Variants in AGBL4 observed in about 807,000 individuals in gnomAD.
The protein encoded by AGBL4 is AGBL carboxypeptidase 4, also known as cytosolic carboxypeptidase 6.
In AGBL4, 58 loss-of-function variants were observed where a neutral mutation model predicts 66.4. The observed-to-expected ratio is 0.87, with a 90% CI of 0.71 to 1.09. AGBL4 has a LOEUF of 1.09. Among genes scored for constraint, AGBL4 ranks in the 50% least tolerant of loss-of-function variants. The probability of loss-of-function intolerance (pLI) is 0.00; values close to 1 mark genes in which losing one functional copy is unlikely to be tolerated. For synonymous variants in AGBL4, 234 were observed against 222.9 expected (o/e 1.05, Z -0.44); for missense variants, 579 against 631.0 (o/e 0.92, Z 0.88).
At chr1:49,561,752 G>C (rs1219841476) in intron 3 of AGBL4, among the ~76,000 whole-genome samples, 2 of 152,076 alleles carry the variant, frequency 1.3e-5, no homozygotes, top group Non-Finnish European at 2.9e-5. Context: ...ATTGTGAATA[G>C]CGCCACAATA....
At chr1:49,928,522 T>C (rs1372455223) in intron 1 of AGBL4, among the ~76,000 whole-genome samples, 1 of 152,146 alleles carries the variant, frequency 6.6e-6, no homozygotes, top group Non-Finnish European at 1.5e-5. Flanking sequence ...GTGCTGAGAT[T>C]ACAGGCGTGA....
chr1:49,619,447 C>T (rs552727997), intron 3 of AGBL4, among the ~76,000 whole-genome samples: 1 of 152,216 alleles, frequency 6.6e-6, no homozygotes, highest in Non-Finnish European at 1.5e-5. Context: ...GAACTACAAA[C>T]CACTGCTCAA....
chr1:49,508,960 A>G (rs1648945433), intron 3 of AGBL4, among the ~76,000 whole-genome samples: 1 of 151,878 alleles, frequency 6.6e-6, no homozygotes, highest in Non-Finnish European at 1.5e-5. Context: ...GAAAAACATG[A>G]TCCCTGCTTA....
In AGBL4 at chr1:49,054,835, C is replaced by A. The variant is rs536291662; in HGVS notation, c.378-9035G>T. 2.0e-5 allele frequency among the ~76,000 whole-genome samples: 3 copies of A among 151,888 alleles called. No individual in the cohort carries two copies. The East Asian group carries it at 5.8e-4, about 29-fold the overall frequency. On this transcript the variant is annotated intron_variant, in intron 4 of 13. Coordinates refer to ENST00000371839, the MANE Select transcript of AGBL4 (RefSeq NM_032785.4). Reference sequence around the variant, plus strand: ...TTTTTTAATCTACATTGATTTTGTACTTTTTCTTTATTATTGTTAATGAGA... The same window carrying A: ...TTTTTTAATCTACATTGATTTTGTAATTTTTCTTTATTATTGTTAATGAGA...
intron 6 of AGBL4, among the ~76,000 whole-genome samples, chr1:48,741,143 T>G (rs1649853537): frequency 1.3e-5 from 2 of 152,142 alleles, no homozygotes; most frequent in African/African-American, 4.8e-5. Flanking sequence ...GGAAGCTACT[T>G]TAAGAAAAAC....
intron 6 of AGBL4, among the ~76,000 whole-genome samples, chr1:48,701,702 T>C (rs927373120): frequency 4.6e-5 from 7 of 152,218 alleles, no homozygotes; most frequent in Non-Finnish European, 7.3e-5. Context: ...CACTGGGTGA[T>C]GATTAATAAC....
chr1:49,613,056 A>C (rs2124245563), intron 3 of AGBL4, among the ~76,000 whole-genome samples: 1 of 152,330 alleles, frequency 6.6e-6, no homozygotes, highest in East Asian at 1.9e-4. Context: ...ATCATAAAAA[A>C]GAATGAAATC....
At chr1:49,319,435 C>T (rs1389038887) in intron 3 of AGBL4, among the ~76,000 whole-genome samples, 5 of 152,176 alleles carry the variant, frequency 3.3e-5, no homozygotes, top group Non-Finnish European at 7.3e-5. Flanking sequence ...GAATTAGGCA[C>T]TCTAGGCTTG....
chr1:48,841,993 CT>C (rs1646816971), intron 6 of AGBL4, among the ~76,000 whole-genome samples: 1 of 152,108 alleles, frequency 6.6e-6, no homozygotes, highest in African/African-American at 2.4e-5. Context: ...ATCCAAAGAC[CT>C]TACTTTTTAA....
intron 11 of AGBL4, among the ~76,000 whole-genome samples, chr1:48,574,686 A>C (rs561549867): frequency 6.6e-6 from 1 of 150,658 alleles, no homozygotes; most frequent in Non-Finnish European, 1.5e-5. Context: ...CCCAGCCACA[A>C]CTCCCACCTC....
intron 5 of AGBL4, among the ~76,000 whole-genome samples, chr1:48,904,403 T>A (rs1652389535): frequency 6.6e-6 from 1 of 152,152 alleles, no homozygotes; most frequent in African/African-American, 2.4e-5. Context: ...TTGCTCAAAG[T>A]CTAGTGTTTG....
rs571020836 is a variant in AGBL4, at chr1:49,656,099, A to G, written c.282+41214T>C. 7.9e-5 allele frequency among the ~76,000 whole-genome samples: 12 copies of G among 151,870 alleles called. No homozygotes were observed. In the South Asian group the frequency reaches 2.3e-3, roughly 29 times the overall value. The stretch of plus-strand genomic sequence containing the variant: ...GAGGCGGAGGTTGCAGTGAGCCAAG[A>G]TCGTGCCACTGCACTCCAGCCTGGG... On this transcript the variant is annotated intron_variant, in intron 3 of 13. Coordinates refer to ENST00000371839, the MANE Select transcript of AGBL4 (RefSeq NM_032785.4).
chr1:49,369,783 T>A (rs1307227955), intron 3 of AGBL4, among the ~76,000 whole-genome samples: 13 of 152,234 alleles, frequency 8.5e-5, no homozygotes, highest in Non-Finnish European at 1.8e-4. Flanking sequence ...ATAGTTCATA[T>A]TACTAATTGT....
At chr1:49,386,258 T>C (rs1325258697) in intron 3 of AGBL4, among the ~76,000 whole-genome samples, 6 of 128,558 alleles carry the variant, frequency 4.7e-5, no homozygotes, top group Non-Finnish European at 1.0e-4. Context: ...TTTGGATGGA[T>C]GGATGGATGT....
rs368074473 is a variant in AGBL4 at position 49,335,765 on chromosome 1, T to C, written c.283-89901A>G. 2.3e-4 allele frequency among the ~76,000 whole-genome samples: 35 copies of C among 152,248 alleles called. No homozygotes were observed. The East Asian group carries it at 6.6e-3, about 29-fold the overall frequency. On this transcript the variant is annotated intron_variant, in intron 3 of 13. Coordinates refer to ENST00000371839, the MANE Select transcript of AGBL4 (RefSeq NM_032785.4). Reference sequence around the variant, plus strand: ...CTCCTGACCTTGTGATCCGCCCACCTTGGCCCCCCAAAATGCTGGGATTAT... The same window carrying C: ...CTCCTGACCTTGTGATCCGCCCACCCTGGCCCCCCAAAATGCTGGGATTAT...
rs141200725 is a variant in AGBL4 at position 49,528,572 on chromosome 1, G to C, written c.282+168741C>G. Among the ~76,000 whole-genome samples, 1,161 of 151,998 alleles carry C rather than the reference G, an allele frequency of 7.6e-3. 17 individuals carry two copies. Among genetic ancestry groups the C allele is most frequent in the Admixed American group, 9.5e-3 (145 of 15,278 alleles). ...CTCAAATTACTTATTAACCTATAGG[G>C]GAGATAAGTAAGCAATTATAATATA... On this transcript the variant is annotated intron_variant, in intron 3 of 13. Transcript: ENST00000371839.
intron 6 of AGBL4, among the ~76,000 whole-genome samples, chr1:48,716,391 T>C (rs1276660724): frequency 6.6e-6 from 1 of 151,832 alleles, no homozygotes; most frequent in Non-Finnish European, 1.5e-5. Flanking sequence ...ATGGGAATGA[T>C]GACAACTATA....
At chr1:48,639,497 A>G (rs1457620507) in intron 8 of AGBL4, among the ~76,000 whole-genome samples, 4 of 152,184 alleles carry the variant, frequency 2.6e-5, no homozygotes, top group African/African-American at 7.2e-5. Flanking sequence ...CTCTCTCAAT[A>G]TATGATTCTA....
At chr1:50,003,855 A>AGTTCTTGG (rs1308182773) in intron 1 of AGBL4, among the ~76,000 whole-genome samples, 1 of 152,210 alleles carries the variant, frequency 6.6e-6, no homozygotes, top group African/African-American at 2.4e-5. Context: ...TGAAAAAGAA[A>AGTTCTTGG]GTTCTTGGGT....
Sources: gnomAD v4.1 joint callset for allele counts (sites outside exome capture counted in the v4.1 genomes callset) on GRCh38, gnomAD v4.1.1 for gene constraint, MANE v1.5 for transcripts, NCBI Gene and HGNC (gene_info 2026-07-23, HGNC 2026-07-21) for gene names.